Variants in TASP1 observed in about 807,000 individuals in gnomAD.
TASP1 encodes the protein threonine aspartase 1.
TASP1 carries 16 observed loss-of-function variants against 56.6 expected under a neutral mutation model. That is an observed-to-expected ratio of 0.28 (90% CI 0.19 to 0.43). The LOEUF (loss-of-function observed/expected upper bound fraction) is 0.43, where lower values mean the gene tolerates loss of function less well. Ranked by LOEUF, TASP1 falls within the 20% of genes least tolerant of loss-of-function variation. The probability of loss-of-function intolerance (pLI) is 1.00; values close to 1 mark genes in which losing one functional copy is unlikely to be tolerated. For missense variants in TASP1, 393 were observed against 511.6 expected (o/e 0.77, Z 2.24); for synonymous variants, 179 against 184.2 (o/e 0.97, Z 0.23).
intron 11 of TASP1, among the ~76,000 whole-genome samples, chr20:13,475,227 C>A (rs2044678887): frequency 6.6e-6 from 1 of 152,088 alleles, no homozygotes; most frequent in Non-Finnish European, 1.5e-5. Context: ...GCTAAGATAT[C>A]TTAATGGTGG....
chr20:13,309,771 A>T, the TASP1 span, among the ~76,000 whole-genome samples: 1 of 152,032 alleles, frequency 6.6e-6, no homozygotes. Flanking sequence ...AAATTAACAT[A>T]AAAAAATCAG....
At chr20:13,630,707 AAAAGG>A (rs1258860423) in intron 1 of TASP1, among the ~76,000 whole-genome samples, 1 of 150,696 alleles carries the variant, frequency 6.6e-6, no homozygotes, top group East Asian at 1.9e-4. Context: ...AAAAAAAAAA[AAAAGG>A]AGTCTCAAAA....
the TASP1 span, among the ~76,000 whole-genome samples, chr20:13,128,803 G>A: frequency 2.6e-5 from 4 of 151,362 alleles, no homozygotes; most frequent in East Asian, 5.8e-4. Flanking sequence ...TGATTCTCCT[G>A]CCTTAGCCTC....
the TASP1 span, among the ~76,000 whole-genome samples, chr20:13,380,877 G>A: frequency 1.3e-5 from 2 of 152,164 alleles, no homozygotes. Context: ...TTTACACTGT[G>A]AGGGGAAAAC....
intron 2 of TASP1, among the ~76,000 whole-genome samples, chr20:13,627,522 C>A (rs1213860679): frequency 1.3e-5 from 2 of 152,050 alleles, no homozygotes; most frequent in Non-Finnish European, 2.9e-5. Flanking sequence ...GAGGCCGAGG[C>A]GGGTGGATCA....
chr20:13,317,968 T>C, the TASP1 span, among the ~76,000 whole-genome samples: 1 of 151,940 alleles, frequency 6.6e-6, no homozygotes, highest in Non-Finnish European at 1.5e-5. Context: ...AATTAAACTT[T>C]TTTGTTCTGT....
chr20:13,539,004 C>T (rs1367694792), intron 8 of TASP1, among the ~76,000 whole-genome samples: 2 of 152,030 alleles, frequency 1.3e-5, no homozygotes, highest in Admixed American at 1.3e-4. Flanking sequence ...GCCGAGATCA[C>T]GCCACTGCAC....
the TASP1 span, among the ~76,000 whole-genome samples, chr20:13,357,201 A>AAAGATAGG: frequency 0.018 from 2,686 of 152,266 alleles, 75 homozygotes; most frequent in African/African-American, 0.059. Context: ...TAATAGGCTT[A>AAAGATAGG]CAAAGATCTG....
chr20:13,254,915 T>C, the TASP1 span, among the ~76,000 whole-genome samples: 1 of 152,226 alleles, frequency 6.6e-6, no homozygotes, highest in South Asian at 2.1e-4. Flanking sequence ...TCATTGTCCC[T>C]TCCATTCATT....
chr20:13,213,625 T>C, the TASP1 span, among the ~76,000 whole-genome samples: 1 of 152,180 alleles, frequency 6.6e-6, no homozygotes, highest in African/African-American at 2.4e-5. Flanking sequence ...GAACTCATGT[T>C]TCCCCTTTCT....
At chr20:13,436,634 T>C (rs1037786269) in intron 11 of TASP1, among the ~76,000 whole-genome samples, 1 of 152,084 alleles carries the variant, frequency 6.6e-6, no homozygotes, top group Non-Finnish European at 1.5e-5. Context: ...GGCTACACAC[T>C]GAAAACAGGG....
chr20:13,574,478 T>C (rs1020596696), intron 6 of TASP1, among the ~76,000 whole-genome samples: 1 of 152,166 alleles, frequency 6.6e-6, no homozygotes, highest in Non-Finnish European at 1.5e-5. Flanking sequence ...GGTAACCTAT[T>C]ATGAGGTGAA....
chr20:13,278,607 C>T, the TASP1 span, among the ~76,000 whole-genome samples: 1 of 152,174 alleles, frequency 6.6e-6, no homozygotes, highest in African/African-American at 2.4e-5. Context: ...TGACTTTAGG[C>T]AAGTTGTTGA....
At chr20:13,268,085 A>G in the TASP1 span, among the ~76,000 whole-genome samples, 2 of 139,316 alleles carry the variant, frequency 1.4e-5, no homozygotes, top group Non-Finnish European at 3.1e-5. Context: ...TTATGTTGAG[A>G]AAAGATAGCA....
At chr20:13,175,342 G>A in the TASP1 span, among the ~76,000 whole-genome samples, 2,143 of 152,326 alleles carry the variant, frequency 0.014, 25 homozygotes, top group South Asian at 0.026. Context: ...AAAATATGAA[G>A]AGGAACCTGA....
rs532549458 is a variant in TASP1, at chr20:13,507,487, G to A, written c.874+20946C>T. Among the ~76,000 whole-genome samples, 7 of 152,152 alleles carry A rather than the reference G, an allele frequency of 4.6e-5. No individual in the cohort carries two copies. In the East Asian group the frequency reaches 1.4e-3, roughly 29 times the overall value. On this transcript the variant is annotated intron_variant, in intron 10 of 13. Coordinates refer to ENST00000337743, the MANE Select transcript of TASP1 (RefSeq NM_017714.3). ...GGCGATTCCATTGAGCCATGATTGT[G>A]CAACTGTACTCCAGCCTGGGTGACA...
intron 7 of TASP1, among the ~76,000 whole-genome samples, chr20:13,567,693 A>C (rs2046581704): frequency 6.6e-6 from 1 of 152,200 alleles, no homozygotes. Context: ...CAAGACTGGA[A>C]ACCAGATGAT....
chr20:13,442,132 T>G (rs2043234679), intron 11 of TASP1, among the ~76,000 whole-genome samples: 1 of 152,136 alleles, frequency 6.6e-6, no homozygotes, highest in South Asian at 2.1e-4. Context: ...CCTGGCTCCC[T>G]TTCCCCCCAT....
chr20:13,378,533 C>T, the TASP1 span, among the ~76,000 whole-genome samples: 13 of 152,028 alleles, frequency 8.6e-5, no homozygotes, highest in South Asian at 6.2e-4. Context: ...TGTGATGTTG[C>T]GAAGATTGTC....
Sources: allele counts gnomAD v4.1 joint callset (sites outside exome capture counted in the v4.1 genomes callset), GRCh38; gene constraint gnomAD v4.1.1; transcripts MANE v1.5; gene names NCBI Gene and HGNC (gene_info 2026-07-23, HGNC 2026-07-21).